NT5C2: variants seen among roughly 807,000 people sequenced by gnomAD.
NT5C2 encodes 5'-nucleotidase, cytosolic II.
In NT5C2, 58 loss-of-function variants were observed where a neutral mutation model predicts 76.1. The observed-to-expected ratio is 0.76, with a 90% CI of 0.62 to 0.95. The LOEUF (loss-of-function observed/expected upper bound fraction) is 0.95. Ranked by LOEUF, NT5C2 falls within the 40% of genes least tolerant of loss-of-function variation. NT5C2 has a pLI of 0.00. For synonymous variants in NT5C2, 229 were observed against 237.4 expected, an observed-to-expected ratio of 0.96 and a Z score of 0.32; for missense variants, 478 against 690.3, an observed-to-expected ratio of 0.69 and a Z score of 3.45.
chr10:103,161,913 A>G (rs1565231995), intron 3 of NT5C2, among the ~76,000 whole-genome samples: 2 of 152,312 alleles, frequency 1.3e-5, no homozygotes, highest in South Asian at 4.1e-4. Context: ...ACTAATGAGT[A>G]TGAGGTTTCT....
chr10:103,089,692 C>G lies in NT5C2; in HGVS notation c.1666G>C (p.Glu556Gln). ...CCTCCTTATTCTTCCTCCTCCTCCT[C>G]CTCTTCATCATCATCTTCGTCATGG... ...HCHDEDDDEE[E>Q]EEEEE Residue 556 changes from glutamate (E) to glutamine (Q), a missense_variant, in exon 19 of 19, where the codon GAG (glutamate) becomes CAG (glutamine). Glu to Gln is a conservative substitution (Grantham distance 29, BLOSUM62 2). Coordinates refer to ENST00000404739, the MANE Select transcript of NT5C2 (RefSeq NM_001351169.2). 6.2e-7 allele frequency: 1 copy of G among 1,608,920 alleles called. No individual in the cohort carries two copies. The highest frequency in any genetic ancestry group is 8.5e-7 in the Non-Finnish European group (1 of 1,177,398).
At chr10:103,145,215 A>G (rs546086814) in intron 3 of NT5C2, among the ~76,000 whole-genome samples, 29 of 152,358 alleles carry the variant, frequency 1.9e-4, no homozygotes, top group African/African-American at 7.0e-4. Flanking sequence ...CCAAATGCTT[A>G]AAGTATGCAG....
intron 3 of NT5C2, among the ~76,000 whole-genome samples, chr10:103,159,997 T>A (rs2084418069): frequency 2.0e-5 from 3 of 152,208 alleles, no homozygotes; most frequent in Non-Finnish European, 4.4e-5. Context: ...TTTCAAAACT[T>A]ACTACAAAGC....
At chr10:103,187,274 A>G (rs994410203) in intron 1 of NT5C2, among the ~76,000 whole-genome samples, 2 of 150,018 alleles carry the variant, frequency 1.3e-5, no homozygotes, top group African/African-American at 4.9e-5. Context: ...GGCCAGTTGC[A>G]GTGGCTCACA....
intron 4 of NT5C2, among the ~76,000 whole-genome samples, chr10:103,108,200 G>A (rs1402416679): frequency 6.6e-6 from 1 of 151,990 alleles, no homozygotes; most frequent in African/African-American, 2.4e-5. Flanking sequence ...CTTTAAATAG[G>A]TTTCTTCCAA....
In NT5C2 at chr10:103,175,640, G is replaced by C. The variant is rs61743168; in HGVS notation, c.-24-658C>G. On this transcript the variant is annotated intron_variant, in intron 2 of 18. Coordinates refer to ENST00000404739, the MANE Select transcript of NT5C2 (RefSeq NM_001351169.2). The stretch of plus-strand genomic sequence containing the variant: ...TTCCCCTGCAAAGGCCAACGGACAA[G>C]ACGATGGCCACGTGAAAAGCAATGA... 2.5e-3 allele frequency: 571 copies of C among 224,288 alleles called. 4 individuals are homozygous for C. The highest frequency in any genetic ancestry group is 0.013 in the African/African-American group (550 of 43,604). The allele number at this position is 224,288 out of a possible 1,614,324, so 13.9% of individuals were successfully genotyped here.
chr10:103,091,703 G>A, intron 15 of NT5C2, 88 bp from the exon 16 acceptor site: 1 of 1,103,596 alleles, frequency 9.1e-7, no homozygotes, highest in Non-Finnish European at 1.4e-6. Context: ...GGTTGCAGAT[G>A]TGACTGGAAA....
At chr10:103,175,601 G>T (rs373915784) in intron 2 of NT5C2, 125 of 210,514 alleles carry the variant, frequency 5.9e-4, no homozygotes, top group African/African-American at 2.6e-3. Flanking sequence ...GACCACCAAG[G>T]TTGCGGCAGG....
At chr10:103,167,245 T>C (rs2086637358) in intron 3 of NT5C2, among the ~76,000 whole-genome samples, 1 of 152,100 alleles carries the variant, frequency 6.6e-6, no homozygotes, top group African/African-American at 2.4e-5. Flanking sequence ...CTCAAACTCC[T>C]GACCTCAGGC....
At chr10:103,162,416 A>C (rs1046568534) in intron 3 of NT5C2, among the ~76,000 whole-genome samples, 1 of 152,230 alleles carries the variant, frequency 6.6e-6, no homozygotes, top group Non-Finnish European at 1.5e-5. Context: ...GGCAAGTCAC[A>C]GAAGAGGATC....
At chr10:103,099,160 C>A (rs1038872042) in intron 9 of NT5C2, among the ~76,000 whole-genome samples, 176 bp from the exon 10 acceptor site, 1 of 152,188 alleles carries the variant, frequency 6.6e-6, no homozygotes, top group Non-Finnish European at 1.5e-5. Context: ...GCAGCCTCGA[C>A]CTCCCCAGGC....
intron 1 of NT5C2, among the ~76,000 whole-genome samples, chr10:103,192,014 C>T (rs1174665527): frequency 2.0e-5 from 3 of 151,610 alleles, no homozygotes; most frequent in African/African-American, 4.8e-5. Flanking sequence ...TCGAACTTCA[C>T]CCTTTCAGGC....
chr10:103,189,591 C>T (rs542878604), intron 1 of NT5C2, among the ~76,000 whole-genome samples: 9 of 143,816 alleles, frequency 6.3e-5, no homozygotes, highest in Admixed American at 5.0e-4. Context: ...GGCGACAGAG[C>T]GAGACTCCAT....
intron 1 of NT5C2, among the ~76,000 whole-genome samples, chr10:103,186,553 G>C (rs993075211): frequency 5.9e-5 from 9 of 152,208 alleles, no homozygotes; most frequent in African/African-American, 2.2e-4. Flanking sequence ...GACCTAGAGA[G>C]AATTAATTCA....
chr10:103,136,660 T>C (rs958692115), intron 4 of NT5C2, among the ~76,000 whole-genome samples: 36 of 151,618 alleles, frequency 2.4e-4, no homozygotes, highest in Non-Finnish European at 4.9e-4. Flanking sequence ...GGTCTCACTC[T>C]GTTGCCCAGG....
chr10:103,171,188 C>T (rs1473070902), intron 3 of NT5C2, among the ~76,000 whole-genome samples: 3 of 152,112 alleles, frequency 2.0e-5, no homozygotes, highest in East Asian at 1.9e-4. Flanking sequence ...AGTGACCTAC[C>T]ATGAGGCAAA....
intron 14 of NT5C2, chr10:103,093,657 C>T (rs898790706): frequency 7.6e-6 from 3 of 392,764 alleles, no homozygotes; most frequent in African/African-American, 4.0e-5. Context: ...TACCTATACC[C>T]ATGGAACTCC....
chr10:103,133,104 C>G (rs1214265130), intron 4 of NT5C2, among the ~76,000 whole-genome samples: 1 of 152,124 alleles, frequency 6.6e-6, no homozygotes, highest in East Asian at 1.9e-4. Context: ...CTCTGCTGTT[C>G]TCGTGATAGT....
intron 4 of NT5C2, among the ~76,000 whole-genome samples, chr10:103,115,243 T>C (rs192614855): frequency 2.0e-5 from 3 of 152,148 alleles, no homozygotes; most frequent in African/African-American, 7.2e-5. Context: ...TCTACTAAAA[T>C]ACAAAAAAAT....
Sources: gnomAD v4.1 joint callset for allele counts (sites outside exome capture counted in the v4.1 genomes callset) on GRCh38, gnomAD v4.1.1 for gene constraint, MANE v1.5 for transcripts, NCBI Gene and HGNC (gene_info 2026-07-23, HGNC 2026-07-21) for gene names.